The following CDC14A variants were observed in gnomAD, a reference collection of about 807,000 sequenced individuals.
The protein encoded by CDC14A is dual specificity protein phosphatase CDC14A.
CDC14A carries 53 observed loss-of-function variants against 74.4 expected under a neutral mutation model. The ratio of observed to expected loss-of-function variants is 0.71; its 90% CI spans 0.57 to 0.89. The LOEUF (loss-of-function observed/expected upper bound fraction) is 0.89. CDC14A is among the 40% of genes least tolerant of loss of function. The pLI is 0.00. For missense variants in CDC14A, 646 were observed against 713.7 expected (o/e 0.91, Z 1.08); for synonymous variants, 247 against 258.4 (o/e 0.96, Z 0.43).
chr1:100,373,818 T>C (rs1318180266), intron 2 of CDC14A, among the ~76,000 whole-genome samples: 1 of 151,988 alleles, frequency 6.6e-6, no homozygotes, highest in Non-Finnish European at 1.5e-5. Flanking sequence ...TTTATTATTA[T>C]TATACTTTAA....
chr1:100,440,053 A>G, intron 6 of CDC14A, 55 bp downstream of exon 6: 12 of 1,283,862 alleles, frequency 9.3e-6, no homozygotes, highest in Non-Finnish European at 1.4e-5. Context: ...AAATATGAGA[A>G]AGGAATAATC....
intron 10 of CDC14A, among the ~76,000 whole-genome samples, chr1:100,481,552 T>A (rs1269126276): frequency 6.6e-6 from 1 of 152,200 alleles, no homozygotes; most frequent in South Asian, 2.1e-4. Flanking sequence ...CAGAATCAAC[T>A]GTAACTTGGC....
upstream of CDC14A, among the ~76,000 whole-genome samples, chr1:100,351,381 G>C (rs1036333687): frequency 1.2e-4 from 18 of 152,228 alleles, no homozygotes; most frequent in African/African-American, 4.1e-4. Context: ...CAGAGCGCAT[G>C]CTCTTCGGAT....
upstream of CDC14A, chr1:100,351,705 G>T: frequency 6.5e-7 from 1 of 1,534,464 alleles, no homozygotes; most frequent in Non-Finnish European, 8.8e-7. Flanking sequence ...AGGCATCTGT[G>T]ATGCTTTTGC....
intron 15 of CDC14A, among the ~76,000 whole-genome samples, chr1:100,510,888 A>G (rs1290681378): frequency 1.3e-5 from 2 of 152,084 alleles, no homozygotes; most frequent in Non-Finnish European, 2.9e-5. Context: ...TTTCACCAAC[A>G]CAACCCCTTC....
At position 100,352,763 on chromosome 1, in the gene CDC14A, C is replaced by T; in HGVS notation, c.-192C>T. ...GCGCGGAGCGAGCTCGGGTTCCCCT[C>T]GGAATGTCCCCGGGGCGCCCGGCGC... On this transcript the variant is annotated 5_prime_UTR_variant, in exon 1 of 16. Transcript: ENST00000336454. 1.4e-6 allele frequency: 2 copies of T among 1,412,848 alleles called. No homozygotes were observed. Among genetic ancestry groups the T allele is most frequent in the South Asian group, 3.1e-5 (2 of 64,794 alleles). The allele number at this position is 1,412,848 out of a possible 1,614,324, so 87.5% of individuals were successfully genotyped here.
intron 9 of CDC14A, among the ~76,000 whole-genome samples, chr1:100,466,864 C>T (rs1391513598): frequency 2.1e-4 from 23 of 108,706 alleles, no homozygotes; most frequent in African/African-American, 6.8e-4. Context: ...CAGCAAAACT[C>T]GGTCTCCAAA....
intron 8 of CDC14A, among the ~76,000 whole-genome samples, chr1:100,459,293 C>A (rs1485885860): frequency 1.3e-5 from 2 of 152,148 alleles, no homozygotes; most frequent in Non-Finnish European, 2.9e-5. Flanking sequence ...TCAGTGAGTT[C>A]CACAGCTTCT....
At chr1:100,354,485 T>A (rs925845111) in intron 2 of CDC14A, among the ~76,000 whole-genome samples, 1 of 152,240 alleles carries the variant, frequency 6.6e-6, no homozygotes, top group African/African-American at 2.4e-5. Context: ...ATTACTTTGC[T>A]TCTGTGGGAT....
intron 8 of CDC14A, among the ~76,000 whole-genome samples, chr1:100,456,765 A>G (rs1666739513): frequency 1.3e-5 from 2 of 152,194 alleles, no homozygotes; most frequent in Non-Finnish European, 1.5e-5. Context: ...ATCATTTCAT[A>G]CCTGTGACAT....
chr1:100,484,480 C>G lies in CDC14A; in HGVS notation c.1137+29C>G, dbSNP rs1211853390. ...AGTTTTCCCTAGGAGATTCTATCTTCTTAAAACTGATGTTCTGCATTTGTT... is the reference window on the plus strand; with the variant it reads ...AGTTTTCCCTAGGAGATTCTATCTTGTTAAAACTGATGTTCTGCATTTGTT... On this transcript the variant is annotated intron_variant, in intron 11 of 15. Transcript: ENST00000336454. The G allele has an allele frequency of 1.9e-6, 3 of 1,572,124 alleles. No individual in the cohort carries two copies. The African/African-American group carries it at 4.1e-5, about 22-fold the overall frequency.
chr1:100,481,059 C>T (rs1669418916), intron 10 of CDC14A: 1 of 152,276 alleles, frequency 6.6e-6, no homozygotes, highest in African/African-American at 2.4e-5. Context: ...TACTGCTTCC[C>T]ATCTGTCTTC....
chr1:100,452,314 A>G (rs1431844465), intron 7 of CDC14A, among the ~76,000 whole-genome samples: 1 of 152,176 alleles, frequency 6.6e-6, no homozygotes. Flanking sequence ...GTTCGAGACC[A>G]GCCTGGCCAA....
intron 2 of CDC14A, among the ~76,000 whole-genome samples, chr1:100,372,417 C>T (rs974132969): frequency 2.0e-5 from 3 of 152,116 alleles, no homozygotes; most frequent in Non-Finnish European, 4.4e-5. Flanking sequence ...CCTCTCAAAC[C>T]CTGGGGCTAC....
chr1:100,416,950 C>T (rs570283441), intron 4 of CDC14A, among the ~76,000 whole-genome samples: 27 of 146,422 alleles, frequency 1.8e-4, no homozygotes, highest in African/African-American at 7.5e-4. Context: ...ACTATTTGTG[C>T]AATCGTCCAT....
At chr1:100,511,394 TGCC>T (rs1649775082) in intron 15 of CDC14A, among the ~76,000 whole-genome samples, 1 of 152,228 alleles carries the variant, frequency 6.6e-6, no homozygotes, top group Non-Finnish European at 1.5e-5. Flanking sequence ...CGCAGATTAC[TGCC>T]GACTTCTTCA....
chr1:100,505,339 T>G (rs1424062582), intron 15 of CDC14A, among the ~76,000 whole-genome samples: 1 of 152,156 alleles, frequency 6.6e-6, no homozygotes, highest in Non-Finnish European at 1.5e-5. Context: ...CCACCTCAAA[T>G]TTGACAAACG....
At chr1:100,408,041 T>A (rs1447535735) in intron 4 of CDC14A, among the ~76,000 whole-genome samples, 1 of 152,168 alleles carries the variant, frequency 6.6e-6, no homozygotes, top group Admixed American at 6.5e-5. Flanking sequence ...ACCCAATAGT[T>A]ATTTTTTCTG....
intron 4 of CDC14A, among the ~76,000 whole-genome samples, chr1:100,412,693 GTT>G (rs1359316631): frequency 1.9e-5 from 1 of 52,422 alleles, no homozygotes; most frequent in Non-Finnish European, 3.0e-5. Context: ...CTTCCTGTAT[GTT>G]TTATATATAT....
Sources: allele counts gnomAD v4.1 joint callset (sites outside exome capture counted in the v4.1 genomes callset), GRCh38; gene constraint gnomAD v4.1.1; transcripts MANE v1.5; gene names NCBI Gene and HGNC (gene_info 2026-07-23, HGNC 2026-07-21).